The following FASTKD2 variants were observed in gnomAD, a reference collection of about 807,000 sequenced individuals.
FASTKD2 encodes the protein FAST kinase domains 2.
A neutral mutation model predicts 63.6 loss-of-function variants in FASTKD2; 51 were observed. The observed-to-expected ratio is 0.80, with a 90% CI of 0.64 to 1.01. The LOEUF is 1.01. Among genes scored for constraint, FASTKD2 ranks in the 50% least tolerant of loss-of-function variants. FASTKD2 has a pLI of 0.00. For synonymous variants in FASTKD2, 284 were observed against 293.4 expected (o/e 0.97, Z 0.33); for missense variants, 786 against 831.1 (o/e 0.95, Z 0.67).
chr2:206,775,942 T>G (rs1251784785), intron 7 of FASTKD2, among the ~76,000 whole-genome samples: 1 of 151,972 alleles, frequency 6.6e-6, no homozygotes, highest in Non-Finnish European at 1.5e-5. Context: ...AGATGTAAAG[T>G]GATATCTCAT....
chr2:206,768,186 G>T (rs968634418), intron 2 of FASTKD2, among the ~76,000 whole-genome samples: 1 of 152,180 alleles, frequency 6.6e-6, no homozygotes, highest in African/African-American at 2.4e-5. Context: ...GCAATGGGTT[G>T]ACGTGCTCAA....
At position 206,790,665 on chromosome 2, in the gene FASTKD2, A is replaced by G. The variant is rs149018757; in HGVS notation, c.1992A>G (p.Ala664=). 7 of 1,607,424 alleles carry G rather than the reference A, an allele frequency of 4.4e-6. No homozygotes were observed. The African/African-American group carries it at 5.3e-5, about 12-fold the overall frequency. Residue 664 remains alanine (A), a synonymous_variant, in exon 11 of 12, where the codon GCA becomes GCG. Coordinates refer to ENST00000402774, the MANE Select transcript of FASTKD2 (RefSeq NM_001136193.2). ...FLAMKMRHLN[A]MGFHVILVNN... ...CTATGAAAATGCGGCATTTGAATGC[A>G]ATGGGTTTTCATGTGATCTTGGTGA...
At position 206,781,411 on chromosome 2, in the gene FASTKD2, G is replaced by C. The variant is rs1396603676; in HGVS notation, c.1428-5322G>C. 2.3e-4 allele frequency among the ~76,000 whole-genome samples: 34 copies of C among 148,644 alleles called. No homozygotes were observed. The Admixed American group carries it at 2.4e-3, about 10-fold the overall frequency. On this transcript the variant is annotated intron_variant, in intron 7 of 11. Coordinates refer to ENST00000402774, the MANE Select transcript of FASTKD2 (RefSeq NM_001136193.2). ...GCTTACTGCAACCTCTGCCTCCCAG[G>C]TTCAAGCGATTCTCCTGTCTCAGCC...
chr2:206,794,107 T>C lies in FASTKD2; in HGVS notation c.*2305T>C, dbSNP rs1471540201. On this transcript the variant is annotated 3_prime_UTR_variant, in exon 12 of 12. Transcript: ENST00000402774. ...CATATATTTAAAGTGTACCGTTAGG[T>C]CAGTTTTGACGTACATACACACACA... 2.0e-5 allele frequency among the ~76,000 whole-genome samples: 3 copies of C among 150,598 alleles called. No homozygotes were observed. The East Asian group carries it at 5.8e-4, about 29-fold the overall frequency.
At position 206,772,233 on chromosome 2, in the gene FASTKD2, C is replaced by A; in HGVS notation, c.1167C>A (p.Cys389Ter). 1 of 1,612,910 alleles carries A rather than the reference C, an allele frequency of 6.2e-7. No individual in the cohort carries two copies. Among genetic ancestry groups the A allele is most frequent in the Non-Finnish European group, 8.5e-7 (1 of 1,178,880 alleles). The stretch of plus-strand genomic sequence containing the variant: ...TAATGATCAACATATTGCAGTCCTG[C>A]AAAGACCTCCAGTACCATAATTTGG... Reference protein sequence around the residue: ...LRIMINILQSCKDLQYHNLDL... With the variant: ...LRIMINILQS The change falls in exon 6 of 12, where the codon TGC becomes TGA. Residue 389 changes from cysteine to a stop codon, truncating the protein, a stop_gained. Coordinates refer to ENST00000402774, the MANE Select transcript of FASTKD2 (RefSeq NM_001136193.2). LOFTEE classifies it high-confidence loss of function.
At chr2:206,782,270 A>G (rs56675577) in intron 7 of FASTKD2, among the ~76,000 whole-genome samples, 17,925 of 152,154 alleles carry the variant, frequency 0.12, 1,509 homozygotes, top group African/African-American at 0.24. Flanking sequence ...GACCTGGGTA[A>G]AATGTTCTTC....
chr2:206,773,890 A>G (rs916138352), intron 6 of FASTKD2, among the ~76,000 whole-genome samples: 1 of 152,186 alleles, frequency 6.6e-6, no homozygotes, highest in Non-Finnish European at 1.5e-5. Flanking sequence ...AACCTTCAGA[A>G]AAGGCATATT....
In FASTKD2 at chr2:206,788,837, A is replaced by G; in HGVS notation, c.1832A>G (p.Asp611Gly). 5 of 1,553,736 alleles carry G rather than the reference A, an allele frequency of 3.2e-6. No individual in the cohort carries two copies. The highest frequency in any genetic ancestry group is 4.4e-6 in the Non-Finnish European group (5 of 1,125,464). Reference protein sequence around the residue: ...NYHIDFEIRMDTNRNQVLPLS... With the variant: ...NYHIDFEIRMGTNRNQVLPLS... ...CTTTCAGATTTTGAAATCAGAATGGACACTAACAGGAATCAAGTGCTACCA... is the reference window on the plus strand; with the variant it reads ...CTTTCAGATTTTGAAATCAGAATGGGCACTAACAGGAATCAAGTGCTACCA... Residue 611 changes from aspartate (D) to glycine (G), a missense_variant, in exon 10 of 12, where the codon GAC (aspartate) becomes GGC (glycine). Coordinates refer to ENST00000402774, the MANE Select transcript of FASTKD2 (RefSeq NM_001136193.2).
intron 6 of FASTKD2, among the ~76,000 whole-genome samples, chr2:206,773,469 T>G (rs1288138390): frequency 4.6e-5 from 7 of 152,226 alleles, no homozygotes; most frequent in Non-Finnish European, 8.8e-5. Context: ...TGTCACTACT[T>G]AATGGTCATG....
rs1278780705 is a variant in FASTKD2, at chr2:206,794,276, C to G, written c.*2474C>G. Among the ~76,000 whole-genome samples the G allele has an allele frequency of 6.6e-6, 1 of 152,172 alleles. No individual in the cohort carries two copies. Among genetic ancestry groups the G allele is most frequent in the African/African-American group, 2.4e-5 (1 of 41,432 alleles). ...AAAATTAGGAAATATATTAAATGCT[C>G]ATTTTGTGTGAGATATCCAAATATT... On this transcript the variant is annotated 3_prime_UTR_variant, in exon 12 of 12. Coordinates refer to ENST00000402774, the MANE Select transcript of FASTKD2 (RefSeq NM_001136193.2).
intron 7 of FASTKD2, among the ~76,000 whole-genome samples, chr2:206,784,491 G>T (rs1472112632): frequency 6.6e-6 from 1 of 152,232 alleles, no homozygotes; most frequent in African/African-American, 2.4e-5. Context: ...TAAATCCAGA[G>T]TATCTTGCTG....
rs987656872 is a variant in FASTKD2, at chr2:206,794,532, A to G, written c.*2730A>G. ...ATAGGACTGATTATAGGTACAGGCT[A>G]CTGTGCCCAGCTCAATTCTTGATTG... is the stretch of plus-strand genomic sequence containing the variant. On this transcript the variant is annotated 3_prime_UTR_variant, in exon 12 of 12. Coordinates refer to ENST00000402774, the MANE Select transcript of FASTKD2 (RefSeq NM_001136193.2). Among the ~76,000 whole-genome samples the G allele has an allele frequency of 1.3e-5, 2 of 152,136 alleles. No homozygotes were observed. Among genetic ancestry groups the G allele is most frequent in the Admixed American group, 1.3e-4 (2 of 15,262 alleles).
rs531381311 is a variant in FASTKD2, at chr2:206,793,381, G to A, written c.*1579G>A. Among the ~76,000 whole-genome samples the A allele has an allele frequency of 1.1e-4, 17 of 152,192 alleles. No individual in the cohort carries two copies. Among genetic ancestry groups the A allele is most frequent in the African/African-American group, 2.6e-4 (11 of 41,534 alleles). On this transcript the variant is annotated 3_prime_UTR_variant, in exon 12 of 12. Transcript: ENST00000402774. ...TTGTTACTTCCCTCATTTTATGGAC[G>A]AGGAAGATAAGGCTCAAAGAATTTT...
chr2:206,782,621 A>G (rs1332657278), intron 7 of FASTKD2, among the ~76,000 whole-genome samples: 1 of 152,224 alleles, frequency 6.6e-6, no homozygotes, highest in Non-Finnish European at 1.5e-5. Context: ...AGGGTTCATT[A>G]AAAATCAGAA....
intron 2 of FASTKD2, 28 bp from the exon 3 acceptor site, chr2:206,770,063 T>C (rs776702970): frequency 7.3e-7 from 1 of 1,376,250 alleles, no homozygotes; most frequent in African/African-American, 1.4e-5. Context: ...TCATCACCTG[T>C]AGTGTTTTTG....
chr2:206,770,003 C>A, intron 2 of FASTKD2, 88 bp from the exon 3 acceptor site: 1 of 815,756 alleles, frequency 1.2e-6, no homozygotes, highest in South Asian at 1.4e-5. Context: ...TCGTTTTATT[C>A]AGTACATCAG....
chr2:206,783,977 A>G (rs1308982997), intron 7 of FASTKD2, among the ~76,000 whole-genome samples: 1 of 152,162 alleles, frequency 6.6e-6, no homozygotes, highest in Non-Finnish European at 1.5e-5. Context: ...AGCCCCTCAC[A>G]ATAAGGAATT....
chr2:206,768,943 T>C (rs369196252), intron 2 of FASTKD2, among the ~76,000 whole-genome samples: 102 of 152,370 alleles, frequency 6.7e-4, no homozygotes, highest in South Asian at 4.6e-3. Flanking sequence ...AGTTCCTATG[T>C]AGTTATTTAA....
Position 206,770,820 on chromosome 2 carries a change from G to C in FASTKD2, c.882-362G>C, listed in dbSNP as rs191093080. ...GAATAGTTATTCGGGGACTATGTGAGGGTTGACGTTGACCCAGCTTGAAAA... is the reference window on the plus strand; with the variant it reads ...GAATAGTTATTCGGGGACTATGTGACGGTTGACGTTGACCCAGCTTGAAAA... On this transcript the variant is annotated intron_variant, in intron 3 of 11. Transcript: ENST00000402774. Among the ~76,000 whole-genome samples, 416 of 152,154 alleles carry C rather than the reference G, an allele frequency of 2.7e-3. 1 individual carries two copies. Among genetic ancestry groups the C allele is most frequent in the Non-Finnish European group, 4.0e-3 (273 of 68,026 alleles).
Sources: gnomAD v4.1 joint callset for allele counts (sites outside exome capture counted in the v4.1 genomes callset) on GRCh38, gnomAD v4.1.1 for gene constraint, MANE v1.5 for transcripts, NCBI Gene and HGNC (gene_info 2026-07-23, HGNC 2026-07-21) for gene names.